The following PARD3B variants were observed in gnomAD, a reference collection of about 807,000 sequenced individuals.
The protein encoded by PARD3B is partitioning defective 3 homolog B.
A neutral mutation model predicts 130.2 loss-of-function variants in PARD3B; 103 were observed. That is an observed-to-expected ratio of 0.79 (90% CI 0.67 to 0.93). PARD3B has a LOEUF of 0.93. Ranked by LOEUF, PARD3B falls within the 40% of genes least tolerant of loss-of-function variation. PARD3B has a pLI of 0.00. For missense variants in PARD3B, 1,609 were observed against 1,499.2 expected (o/e 1.07, Z -1.21); for synonymous variants, 583 against 553.2 (o/e 1.05, Z -0.76).
chr2:205,052,610 A>G (rs1005768669), intron 4 of PARD3B, among the ~76,000 whole-genome samples: 3 of 151,658 alleles, frequency 2.0e-5, no homozygotes, highest in African/African-American at 4.8e-5. Flanking sequence ...TTTTAAAAGA[A>G]TAACAAAAAA....
intron 2 of PARD3B, among the ~76,000 whole-genome samples, chr2:204,755,397 T>G (rs1321758560): frequency 6.6e-6 from 1 of 152,150 alleles, no homozygotes; most frequent in Admixed American, 6.6e-5. Context: ...AGATGTCATT[T>G]AGAATTTCAA....
intron 21 of PARD3B, among the ~76,000 whole-genome samples, chr2:205,543,057 A>G (rs1019293843): frequency 6.6e-6 from 1 of 152,212 alleles, no homozygotes; most frequent in Non-Finnish European, 1.5e-5. Flanking sequence ...CACTGCGTAG[A>G]TGTCTGAGAC....
At chr2:205,402,770 C>T (rs1412523559) in intron 19 of PARD3B, among the ~76,000 whole-genome samples, 1 of 152,200 alleles carries the variant, frequency 6.6e-6, no homozygotes, top group African/African-American at 2.4e-5. Context: ...AAGAACTATA[C>T]TATTAGCCTC....
At chr2:204,836,832 G>T (rs1444980018) in intron 2 of PARD3B, among the ~76,000 whole-genome samples, 1 of 152,042 alleles carries the variant, frequency 6.6e-6, no homozygotes, top group Non-Finnish European at 1.5e-5. Context: ...GTAGGATTGT[G>T]GGTGAGTTTT....
chr2:204,981,204 A>G (rs1447147772), intron 3 of PARD3B, among the ~76,000 whole-genome samples: 1 of 152,176 alleles, frequency 6.6e-6, no homozygotes, highest in Non-Finnish European at 1.5e-5. Flanking sequence ...TGACTCTGCC[A>G]TTTCAGTCCT....
chr2:204,895,057 A>C (rs1375503385), intron 2 of PARD3B, among the ~76,000 whole-genome samples: 1 of 52,446 alleles, frequency 1.9e-5, no homozygotes, highest in Non-Finnish European at 3.4e-5. Flanking sequence ...AAGACCTACC[A>C]AAAAAAACCC....
At chr2:205,502,038 C>T (rs139836327) in intron 21 of PARD3B, among the ~76,000 whole-genome samples, 1 of 152,096 alleles carries the variant, frequency 6.6e-6, no homozygotes, top group Non-Finnish European at 1.5e-5. Flanking sequence ...CCGTAAAACA[C>T]GAGTGTTCTT....
At chr2:204,772,373 A>G (rs971328540) in intron 2 of PARD3B, among the ~76,000 whole-genome samples, 4 of 152,072 alleles carry the variant, frequency 2.6e-5, no homozygotes, top group Non-Finnish European at 4.4e-5. Flanking sequence ...CAGAGAAGAA[A>G]AGTCAGAGTT....
At chr2:205,076,768 A>G (rs1324892474) in intron 4 of PARD3B, among the ~76,000 whole-genome samples, 1 of 150,016 alleles carries the variant, frequency 6.7e-6, no homozygotes, top group Non-Finnish European at 1.5e-5. Context: ...TCCCAAAACC[A>G]TTACCCCATT....
In PARD3B at chr2:204,605,924, T is replaced by C. The variant is rs540600744; in HGVS notation, c.120+59805T>C. 1.9e-4 allele frequency among the ~76,000 whole-genome samples: 29 copies of C among 152,320 alleles called. 1 individual carries two copies. Among genetic ancestry groups the C allele is most frequent in the African/African-American group, 7.0e-4 (29 of 41,588 alleles). On this transcript the variant is annotated intron_variant, in intron 1 of 22. Coordinates refer to ENST00000406610, the MANE Select transcript of PARD3B (RefSeq NM_001302769.2). ...TTCCTATGGCTATTCTTGTAATCCATGCTGCCTCACCCAGTTGTCTTCTGT... is the reference window on the plus strand; with the variant it reads ...TTCCTATGGCTATTCTTGTAATCCACGCTGCCTCACCCAGTTGTCTTCTGT...
At chr2:205,136,575 G>A (rs1447777044) in intron 10 of PARD3B, among the ~76,000 whole-genome samples, 1 of 152,172 alleles carries the variant, frequency 6.6e-6, no homozygotes, top group African/African-American at 2.4e-5. Context: ...CACATGACTT[G>A]AAAGAGCTGG....
At chr2:205,213,762 G>C (rs532995894) in intron 15 of PARD3B, among the ~76,000 whole-genome samples, 1 of 152,220 alleles carries the variant, frequency 6.6e-6, no homozygotes, top group East Asian at 1.9e-4. Flanking sequence ...TTTGGGAAAG[G>C]CTGATAAAAA....
chr2:204,653,051 G>A (rs781547407), intron 1 of PARD3B, among the ~76,000 whole-genome samples: 22 of 151,006 alleles, frequency 1.5e-4, no homozygotes, highest in Non-Finnish European at 1.2e-4. Context: ...GGGACACAGA[G>A]CCAAACCATA....
At chr2:204,687,514 A>G (rs974905916) in intron 2 of PARD3B, among the ~76,000 whole-genome samples, 22 of 152,148 alleles carry the variant, frequency 1.4e-4, no homozygotes, top group African/African-American at 5.1e-4. Flanking sequence ...ATCTTACACA[A>G]ACTTGATTCC....
chr2:205,357,840 A>T (rs538581632), intron 18 of PARD3B, among the ~76,000 whole-genome samples: 3 of 152,332 alleles, frequency 2.0e-5, no homozygotes, highest in Non-Finnish European at 4.4e-5. Context: ...AAAGCAGAAG[A>T]AACAGCAATA....
chr2:205,437,830 TA>T (rs1423871783), intron 19 of PARD3B, among the ~76,000 whole-genome samples: 6 of 151,858 alleles, frequency 4.0e-5, no homozygotes, highest in Non-Finnish European at 7.4e-5. Flanking sequence ...TACCGTCAAA[TA>T]AAAAAGGGTA....
rs962220381 is a variant in PARD3B at position 205,421,381 on chromosome 2, G to C, written c.2742-18989G>C. On this transcript the variant is annotated intron_variant, in intron 19 of 22. Coordinates refer to ENST00000406610, the MANE Select transcript of PARD3B (RefSeq NM_001302769.2). The surrounding 1 kb of genome is among the most constrained non-coding windows in gnomAD (Gnocchi z 5.1). ...ATATAATTGTTATGTTTAACATTTA[G>C]AGCCATTTATGTGGGTTTCCTCTCC... Among the ~76,000 whole-genome samples, 2 of 152,086 alleles carry C rather than the reference G, an allele frequency of 1.3e-5. No individual in the cohort carries two copies. The highest frequency in any genetic ancestry group is 2.9e-5 in the Non-Finnish European group (2 of 68,018).
chr2:205,483,845 G>C (rs1182683953), intron 20 of PARD3B, among the ~76,000 whole-genome samples: 1 of 152,072 alleles, frequency 6.6e-6, no homozygotes, highest in African/African-American at 2.4e-5. Flanking sequence ...TTCTAGCTAG[G>C]GGGCAGTGGG....
At chr2:205,019,950 C>A (rs1385610253) in intron 3 of PARD3B, among the ~76,000 whole-genome samples, 4 of 152,086 alleles carry the variant, frequency 2.6e-5, no homozygotes, top group Non-Finnish European at 5.9e-5. Context: ...AAGTTATAGT[C>A]CCCAGAAGAA....
Sources: gnomAD v4.1 joint callset for allele counts (sites outside exome capture counted in the v4.1 genomes callset) on GRCh38, gnomAD v4.1.1 for gene constraint, Gnocchi (gnomAD v3.1) non-coding constraint, MANE v1.5 for transcripts, NCBI Gene and HGNC (gene_info 2026-07-23, HGNC 2026-07-21) for gene names.